LMO7: variants seen among roughly 807,000 people sequenced by gnomAD.
The protein encoded by LMO7 is LIM domain 7, also known as LIM domain only protein 7.
LMO7 carries 120 observed loss-of-function variants against 206.5 expected under a neutral mutation model. The ratio of observed to expected loss-of-function variants is 0.58; its 90% CI spans 0.50 to 0.68. The LOEUF (loss-of-function observed/expected upper bound fraction) is 0.68, where lower values mean the gene tolerates loss of function less well. Among genes scored for constraint, LMO7 ranks in the 30% least tolerant of loss-of-function variants. The probability of loss-of-function intolerance (pLI) is 0.00; values close to 1 mark genes in which losing one functional copy is unlikely to be tolerated. For synonymous variants in LMO7, 706 were observed against 681.5 expected (o/e 1.04, Z -0.56); for missense variants, 1,959 against 1,957.9 (o/e 1.00, Z -0.01).
chr13:75,757,387 C>T (rs192768453), intron 3 of LMO7, among the ~76,000 whole-genome samples: 4 of 152,320 alleles, frequency 2.6e-5, no homozygotes, highest in Admixed American at 2.6e-4. Flanking sequence ...AACACCTATT[C>T]CCTTAAGCTG....
chr13:75,714,747 G>T (rs2043387245), intron 2 of LMO7, among the ~76,000 whole-genome samples: 1 of 152,128 alleles, frequency 6.6e-6, no homozygotes, highest in Non-Finnish European at 1.5e-5. Context: ...GGTCACTAAT[G>T]GGAAGTTACT....
chr13:75,712,634 G>A (rs1040738859), intron 1 of LMO7, among the ~76,000 whole-genome samples: 1 of 152,148 alleles, frequency 6.6e-6, no homozygotes, highest in South Asian at 2.1e-4. Flanking sequence ...GGATTTAATA[G>A]TCTTCTCCCC....
At chr13:75,712,765 T>C (rs2043219060) in intron 1 of LMO7, among the ~76,000 whole-genome samples, 1 of 152,214 alleles carries the variant, frequency 6.6e-6, no homozygotes, top group African/African-American at 2.4e-5. Flanking sequence ...AAAGATGGAA[T>C]TGAAATTAAT....
At chr13:75,712,648 A>G in intron 1 of LMO7, among the ~76,000 whole-genome samples, 1 of 152,168 alleles carries the variant, frequency 6.6e-6, no homozygotes, top group Admixed American at 6.5e-5. Context: ...TCTCCCCAGG[A>G]TGTTTCAATA....
At chr13:75,803,499 C>T (rs2055046092) in intron 7 of LMO7, among the ~76,000 whole-genome samples, 3 of 152,140 alleles carry the variant, frequency 2.0e-5, no homozygotes, top group Non-Finnish European at 4.4e-5. Flanking sequence ...TGTTGTTCTC[C>T]CCCCTTTTCT....
chr13:75,648,067 C>A (rs907525328), intron 1 of LMO7, among the ~76,000 whole-genome samples: 11 of 147,902 alleles, frequency 7.4e-5, no homozygotes, highest in African/African-American at 2.8e-4. Context: ...CCTGTCTGAG[C>A]CTCCTGAGTA....
intron 13 of LMO7, among the ~76,000 whole-genome samples, chr13:75,819,822 T>C (rs757738485): frequency 3.9e-5 from 6 of 152,242 alleles, no homozygotes; most frequent in Non-Finnish European, 7.3e-5. Flanking sequence ...TGGCTGTGTC[T>C]GATGCAGGAA....
chr13:75,710,447 A>C (rs555516925), intron 1 of LMO7, among the ~76,000 whole-genome samples: 129 of 152,278 alleles, frequency 8.5e-4, no homozygotes, highest in Admixed American at 2.3e-3. Flanking sequence ...ATGTTCTTCC[A>C]TTTGTTTGTA....
chr13:75,689,311 T>A (rs1005340464), intron 1 of LMO7: 1 of 152,230 alleles, frequency 6.6e-6, no homozygotes, highest in African/African-American at 2.4e-5. Flanking sequence ...CCAATCCCAT[T>A]GTGGGTTGAA....
chr13:75,746,433 G>C (rs557556898), intron 3 of LMO7, among the ~76,000 whole-genome samples: 2 of 152,176 alleles, frequency 1.3e-5, no homozygotes, highest in African/African-American at 2.4e-5. Flanking sequence ...ACAGATCAAC[G>C]GGCGTGTCCC....
At chr13:75,681,334 T>A (rs1044457802) in intron 1 of LMO7, among the ~76,000 whole-genome samples, 3 of 152,196 alleles carry the variant, frequency 2.0e-5, no homozygotes, top group African/African-American at 7.2e-5. Context: ...GAGTTATTAA[T>A]GCTCAGCAAA....
In LMO7 at chr13:75,758,700, A is replaced by G. The variant is rs147846346; in HGVS notation, c.211-2232A>G. Among the ~76,000 whole-genome samples the G allele has an allele frequency of 1.1e-4, 16 of 152,222 alleles. No individual in the cohort carries two copies. In the East Asian group the frequency reaches 3.1e-3, roughly 29 times the overall value. ...TGGCTTTATTTATCTATCCTTATCA[A>G]TCTGTACCTATTTGTCAACTAGATG... On this transcript the variant is annotated intron_variant, in intron 3 of 30. Coordinates refer to ENST00000377534, the MANE Select transcript of LMO7 (RefSeq NM_001306080.2).
intron 4 of LMO7, among the ~76,000 whole-genome samples, chr13:75,766,567 G>GGGAGATGGCCCTGTAAATTCACA (rs57460316): frequency 0.7 from 105,170 of 150,946 alleles, 37,096 homozygotes; most frequent in East Asian, 0.92. Context: ...ATTATGACTG[G>GGGAGATGGCCCTGTAAATTCACA]GGAGATGGCC....
rs537338021 is a variant in LMO7 at position 75,839,002 on chromosome 13, C to T, written c.3451+806C>T. ...TTTCTTACTTTTAAGACTATTAACA[C>T]GTTTACAAACGTGCCTTATAACACA... On this transcript the variant is annotated intron_variant, in intron 20 of 30. Transcript: ENST00000377534. Among the ~76,000 whole-genome samples the T allele has an allele frequency of 1.1e-4, 16 of 152,304 alleles. No individual in the cohort carries two copies. In the South Asian group the frequency reaches 2.9e-3, roughly 28 times the overall value.
intron 5 of LMO7, 127 bp from the exon 6 acceptor site, chr13:75,796,509 G>T: frequency 1.7e-6 from 1 of 600,556 alleles, no homozygotes; most frequent in Non-Finnish European, 3.0e-6. Context: ...AAACTTAAAA[G>T]AAAGTCTACT....
chr13:75,682,833 T>G (rs953241160), intron 1 of LMO7, among the ~76,000 whole-genome samples: 3 of 152,206 alleles, frequency 2.0e-5, no homozygotes, highest in Non-Finnish European at 4.4e-5. Flanking sequence ...AAATGTCCAT[T>G]GAATTAATCC....
intron 1 of LMO7, among the ~76,000 whole-genome samples, chr13:75,708,735 A>G (rs1038819660): frequency 2.0e-5 from 3 of 152,188 alleles, no homozygotes; most frequent in African/African-American, 7.2e-5. Context: ...TTATTTTCAG[A>G]AGAATATGCC....
chr13:75,757,384 A>G (rs1276879423), intron 3 of LMO7, among the ~76,000 whole-genome samples: 1 of 152,196 alleles, frequency 6.6e-6, no homozygotes, highest in African/African-American at 2.4e-5. Context: ...ATAAACACCT[A>G]TTCCCTTAAG....
chr13:75,833,006 G>A (rs779208191), intron 15 of LMO7, 45 bp from the exon 16 acceptor site: 14 of 1,047,192 alleles, frequency 1.3e-5, no homozygotes, highest in Admixed American at 1.7e-5. Context: ...CCTCCATGTG[G>A]GTGCCAGGGA....
Sources: gnomAD v4.1 joint callset for allele counts (sites outside exome capture counted in the v4.1 genomes callset) on GRCh38, gnomAD v4.1.1 for gene constraint, MANE v1.5 for transcripts, NCBI Gene and HGNC (gene_info 2026-07-23, HGNC 2026-07-21) for gene names.